PSD3: variants seen among roughly 807,000 people sequenced by gnomAD.
PSD3 encodes the protein pleckstrin and Sec7 domain containing 3.
Under a neutral mutation model 105.5 loss-of-function variants are expected in PSD3, and 49 were observed. That is an observed-to-expected ratio of 0.46 (90% CI 0.37 to 0.59). PSD3 has a LOEUF of 0.59. Among genes scored for constraint, PSD3 ranks in the 20% least tolerant of loss-of-function variants. The probability of loss-of-function intolerance (pLI) is 0.00; values close to 1 mark genes in which losing one functional copy is unlikely to be tolerated. For missense variants in PSD3, 1,561 were observed against 1,263.8 expected (o/e 1.24, Z -3.57); for synonymous variants, 557 against 457.8 (o/e 1.22, Z -2.77).
intron 2 of PSD3, among the ~76,000 whole-genome samples, chr8:18,922,899 C>A (rs1821123696): frequency 6.6e-6 from 1 of 152,180 alleles, no homozygotes; most frequent in South Asian, 2.1e-4. Flanking sequence ...CCTCTCTGGA[C>A]ACACCGCCGT....
At chr8:18,566,525 CAAAAA>C (rs372562835) in intron 14 of PSD3, among the ~76,000 whole-genome samples, 73,679 of 130,498 alleles carry the variant, frequency 0.56, 21,000 homozygotes, top group Non-Finnish European at 0.67. Flanking sequence ...GACTCTGTCT[CAAAAA>C]AAAAAAAAAA....
chr8:18,732,275 G>A (rs938005162), intron 9 of PSD3, among the ~76,000 whole-genome samples: 10 of 152,238 alleles, frequency 6.6e-5, no homozygotes, highest in African/African-American at 2.4e-4. Flanking sequence ...ATGGACATAC[G>A]GAGTCATAGA....
At chr8:18,914,085 C>T (rs1001725440) in intron 2 of PSD3, among the ~76,000 whole-genome samples, 2 of 151,772 alleles carry the variant, frequency 1.3e-5, no homozygotes, top group East Asian at 1.9e-4. Context: ...CCAGCCTGCC[C>T]AAAGGCTCCA....
intron 11 of PSD3, among the ~76,000 whole-genome samples, chr8:18,606,384 T>C (rs1450003789): frequency 2.0e-5 from 3 of 152,224 alleles, no homozygotes; most frequent in African/African-American, 7.2e-5. Flanking sequence ...CCCACATTTG[T>C]ACTCATGCTT....
At position 18,533,231 on chromosome 8, in the gene PSD3, C is replaced by T. The variant is rs1047189805; in HGVS notation, c.*2512G>A. The T allele has an allele frequency of 6.6e-6, 1 of 152,240 alleles. No individual in the cohort carries two copies. Among genetic ancestry groups the T allele is most frequent in the Non-Finnish European group, 1.5e-5 (1 of 68,068 alleles). 9.4% of individuals were successfully genotyped at this position (152,240 alleles called of 1,614,324 possible). On this transcript the variant is annotated 3_prime_UTR_variant, in exon 16 of 16. Coordinates refer to ENST00000327040, the MANE Select transcript of PSD3 (RefSeq NM_015310.4). Reference sequence around the variant, plus strand: ...GCCTCCTTCATGCACTCATGACAGACAGCAACCTTCAGAAGCCTCAGGGAA... The same window carrying T: ...GCCTCCTTCATGCACTCATGACAGATAGCAACCTTCAGAAGCCTCAGGGAA...
chr8:18,870,789 CCT>C lies in PSD3; in HGVS notation c.1238+835_1238+836del, dbSNP rs374345078. On this transcript the variant is annotated intron_variant, in intron 3 of 15. Coordinates refer to ENST00000327040, the MANE Select transcript of PSD3 (RefSeq NM_015310.4). ...GAATTATAAAATCTACTTCTGACCC[CCT>C]GAGATGTCATTTCAAAACATAGGAA... 1.8e-4 allele frequency among the ~76,000 whole-genome samples: 27 copies of C among 152,250 alleles called. No homozygotes were observed. The East Asian group carries it at 3.7e-3, about 21-fold the overall frequency.
At chr8:18,706,242 T>G (rs1801888866) in intron 9 of PSD3, among the ~76,000 whole-genome samples, 1 of 152,310 alleles carries the variant, frequency 6.6e-6, no homozygotes, top group African/African-American at 2.4e-5. Flanking sequence ...TTTCAACCCA[T>G]TAAGATTTTA....
At chr8:18,864,248 G>A (rs1331110683) in intron 4 of PSD3, among the ~76,000 whole-genome samples, 4 of 152,192 alleles carry the variant, frequency 2.6e-5, no homozygotes, top group Admixed American at 1.3e-4. Context: ...GCCTGTGTTC[G>A]AGGGCTGAGT....
At chr8:18,714,988 G>A (rs1337426416) in intron 9 of PSD3, among the ~76,000 whole-genome samples, 1 of 152,160 alleles carries the variant, frequency 6.6e-6, no homozygotes, top group East Asian at 1.9e-4. Flanking sequence ...CAGGGACATG[G>A]ATAGATCTGG....
At chr8:19,003,937 T>C (rs1826533728) in intron 1 of PSD3, among the ~76,000 whole-genome samples, 1 of 151,958 alleles carries the variant, frequency 6.6e-6, no homozygotes, top group Admixed American at 6.6e-5. Context: ...TATTACCAGG[T>C]GAGATCAGTT....
At chr8:18,772,716 C>T (rs185688916) in intron 8 of PSD3, among the ~76,000 whole-genome samples, 1 of 152,136 alleles carries the variant, frequency 6.6e-6, no homozygotes, top group Non-Finnish European at 1.5e-5. Context: ...TACCATGTTG[C>T]ACAGGCTGGT....
chr8:18,555,672 A>C (rs1801024955), intron 15 of PSD3, among the ~76,000 whole-genome samples: 1 of 152,202 alleles, frequency 6.6e-6, no homozygotes, highest in African/African-American at 2.4e-5. Flanking sequence ...GATCCTCACC[A>C]TTCTTTTTAA....
At chr8:18,790,994 A>G (rs776748947) in intron 8 of PSD3, among the ~76,000 whole-genome samples, 1 of 152,226 alleles carries the variant, frequency 6.6e-6, no homozygotes, top group African/African-American at 2.4e-5. Flanking sequence ...AAAGAATAAC[A>G]TACCTAGGAA....
At chr8:18,904,448 C>T (rs188605818) in intron 2 of PSD3, among the ~76,000 whole-genome samples, 1 of 152,232 alleles carries the variant, frequency 6.6e-6, no homozygotes, top group East Asian at 1.9e-4. Flanking sequence ...TACCAGTGTA[C>T]CCAGGATACA....
intron 1 of PSD3, among the ~76,000 whole-genome samples, chr8:19,074,584 G>GATATAT (rs57891868): frequency 0.017 from 1,642 of 99,168 alleles, 89 homozygotes; most frequent in South Asian, 0.029. Context: ...TTACAACTCA[G>GATATAT]ATATATACAT....
chr8:18,720,190 C>CA (rs1802866797), intron 9 of PSD3, among the ~76,000 whole-genome samples: 1 of 151,960 alleles, frequency 6.6e-6, no homozygotes, highest in Admixed American at 6.6e-5. Flanking sequence ...AACAAAAAAA[C>CA]AAAAAACCCT....
intron 1 of PSD3, among the ~76,000 whole-genome samples, chr8:18,992,546 A>G (rs1490016551): frequency 6.6e-6 from 1 of 152,206 alleles, no homozygotes; most frequent in Non-Finnish European, 1.5e-5. Flanking sequence ...AAGTTGACGA[A>G]CTGAAAGCTT....
intron 1 of PSD3, among the ~76,000 whole-genome samples, chr8:18,980,324 C>G (rs532258433): frequency 6.6e-6 from 1 of 152,224 alleles, no homozygotes; most frequent in African/African-American, 2.4e-5. Flanking sequence ...GTGGTGGCTT[C>G]CAGGGTAGAC....
chr8:18,933,882 A>G (rs1821905476), intron 2 of PSD3, among the ~76,000 whole-genome samples: 1 of 152,244 alleles, frequency 6.6e-6, no homozygotes, highest in African/African-American at 2.4e-5. Flanking sequence ...TTAGGTACTT[A>G]TGATGCATGA....
Sources: gnomAD v4.1 joint callset for allele counts (sites outside exome capture counted in the v4.1 genomes callset) on GRCh38, gnomAD v4.1.1 for gene constraint, MANE v1.5 for transcripts, NCBI Gene and HGNC (gene_info 2026-07-23, HGNC 2026-07-21) for gene names.